The following DTD1 variants were observed in gnomAD, a reference collection of about 807,000 sequenced individuals.
DTD1 encodes the protein D-aminoacyl-tRNA deacylase 1, also known as D-tyrosyl-tRNA deacylase 1 homolog.
DTD1 carries 13 observed loss-of-function variants against 25.6 expected under a neutral mutation model. The observed-to-expected ratio is 0.51, with a 90% confidence interval of 0.33 to 0.81. The LOEUF (loss-of-function observed/expected upper bound fraction) is 0.81, where lower values mean the gene tolerates loss of function less well. DTD1 is among the 30% of genes least tolerant of loss of function. The probability of loss-of-function intolerance (pLI) is 0.02; values close to 1 mark genes in which losing one functional copy is unlikely to be tolerated. For missense variants in DTD1, 193 were observed against 266.4 expected (o/e 0.72, Z 1.92); for synonymous variants, 110 against 103.6 (o/e 1.06, Z -0.37).
chr20:18,653,671 A>T (rs910820537), intron 4 of DTD1, among the ~76,000 whole-genome samples: 8 of 152,250 alleles, frequency 5.3e-5, no homozygotes, highest in Non-Finnish European at 8.8e-5. Flanking sequence ...TTTGGATAGT[A>T]GCTCTGGCAT....
chr20:18,721,342 C>T (rs1409318717), intron 4 of DTD1, among the ~76,000 whole-genome samples: 1 of 152,188 alleles, frequency 6.6e-6, no homozygotes, highest in Non-Finnish European at 1.5e-5. Context: ...CCTCCTCCCT[C>T]TTCACTTGTT....
intron 4 of DTD1, among the ~76,000 whole-genome samples, chr20:18,687,718 A>G (rs1488769772): frequency 2.0e-5 from 3 of 151,740 alleles, no homozygotes; most frequent in Non-Finnish European, 4.4e-5. Flanking sequence ...CTAATTTTTT[A>G]TTTTTTGGAG....
intron 3 of DTD1, among the ~76,000 whole-genome samples, chr20:18,621,178 C>T (rs1390837910): frequency 1.3e-5 from 2 of 152,118 alleles, no homozygotes; most frequent in Non-Finnish European, 2.9e-5. Flanking sequence ...CCTTGTCTTT[C>T]CTTGTTTTTC....
chr20:18,664,513 A>C (rs946506532), intron 4 of DTD1, among the ~76,000 whole-genome samples: 5 of 152,098 alleles, frequency 3.3e-5, no homozygotes, highest in African/African-American at 1.2e-4. Context: ...GGGAAATTCT[A>C]CAGCAGGATT....
At chr20:18,743,447 A>G (rs2061286037) in intron 4 of DTD1, among the ~76,000 whole-genome samples, 1 of 152,180 alleles carries the variant, frequency 6.6e-6, no homozygotes, top group Non-Finnish European at 1.5e-5. Context: ...TAATCACAAC[A>G]CTTTGGGAGG....
At chr20:18,695,065 C>T (rs902299611) in intron 4 of DTD1, among the ~76,000 whole-genome samples, 5 of 152,108 alleles carry the variant, frequency 3.3e-5, no homozygotes, top group Admixed American at 1.3e-4. Flanking sequence ...GCGTGTTCTG[C>T]GAATGTGTCC....
chr20:18,693,851 G>A (rs2061059333), intron 4 of DTD1, among the ~76,000 whole-genome samples: 1 of 152,228 alleles, frequency 6.6e-6, no homozygotes, highest in South Asian at 2.1e-4. Context: ...CGAGCAGGAC[G>A]TTAGAAATTA....
chr20:18,684,581 C>A (rs1375441051), intron 4 of DTD1, among the ~76,000 whole-genome samples: 1 of 152,158 alleles, frequency 6.6e-6, no homozygotes, highest in African/African-American at 2.4e-5. Flanking sequence ...GCCCCCACAC[C>A]TAGCCCCAAA....
intron 5 of DTD1, among the ~76,000 whole-genome samples, chr20:18,763,039 C>T (rs537589675): frequency 2.0e-5 from 3 of 152,254 alleles, no homozygotes; most frequent in South Asian, 2.1e-4. Flanking sequence ...TCATTTACTT[C>T]AAAGTATTTT....
intron 5 of DTD1, among the ~76,000 whole-genome samples, chr20:18,757,164 T>G (rs973435537): frequency 2.0e-5 from 3 of 152,190 alleles, no homozygotes; most frequent in Non-Finnish European, 4.4e-5. Flanking sequence ...CTTAAGGAGA[T>G]TTTGGGCTGA....
At chr20:18,627,015 A>G (rs2122309155) in intron 3 of DTD1, among the ~76,000 whole-genome samples, 1 of 152,360 alleles carries the variant, frequency 6.6e-6, no homozygotes, top group South Asian at 2.1e-4. Flanking sequence ...TGGATGAGAC[A>G]AAAGCTCTGT....
chr20:18,757,247 A>G (rs1250415893), intron 5 of DTD1, among the ~76,000 whole-genome samples: 3 of 152,184 alleles, frequency 2.0e-5, no homozygotes, highest in South Asian at 4.1e-4. Context: ...TGTTTTCCTA[A>G]TTGAATACCC....
At chr20:18,693,876 G>A (rs1304188992) in intron 4 of DTD1, among the ~76,000 whole-genome samples, 2 of 152,090 alleles carry the variant, frequency 1.3e-5, no homozygotes, top group African/African-American at 2.4e-5. Flanking sequence ...TTAGATCTGT[G>A]CTGACCAACA....
rs988395180 is a variant in DTD1, at chr20:18,751,857, G to T, written c.*19+7586G>T. ...AGACTTGTAGTTTTTTTTTTTTGTTGTTGTTGTTGTTGTTGTTTTAATTTG... is the reference window on the plus strand; with the variant it reads ...AGACTTGTAGTTTTTTTTTTTTGTTTTTGTTGTTGTTGTTGTTTTAATTTG... On this transcript the variant is annotated intron_variant, in intron 5 of 5. Transcript: ENST00000377452. Among the ~76,000 whole-genome samples the T allele has an allele frequency of 2.6e-3, 365 of 142,524 alleles. 3 individuals carry two copies. The highest frequency in any genetic ancestry group is 7.3e-3 in the African/African-American group (292 of 39,818). The allele number at this position is 142,524 out of a possible 152,430, so 93.5% of individuals were successfully genotyped here. A position where few individuals can be genotyped will look rare whatever the true frequency, so the allele number is the denominator to read the frequency against.
At chr20:18,761,183 C>A (rs576173196) in intron 5 of DTD1, among the ~76,000 whole-genome samples, 2 of 152,080 alleles carry the variant, frequency 1.3e-5, no homozygotes, top group East Asian at 3.9e-4. Flanking sequence ...TTGCGCTTCC[C>A]GGGCGAGGCG....
intron 1 of DTD1, among the ~76,000 whole-genome samples, chr20:18,593,429 C>T (rs1227942718): frequency 1.3e-5 from 2 of 152,140 alleles, no homozygotes; most frequent in South Asian, 4.2e-4. Flanking sequence ...GCAAACTTGA[C>T]CATAGAAAAT....
chr20:18,692,128 A>T (rs2061049966), intron 4 of DTD1: 1 of 152,200 alleles, frequency 6.6e-6, no homozygotes. Flanking sequence ...TGTGAGAGCC[A>T]CACCCCAAAC....
intron 4 of DTD1, among the ~76,000 whole-genome samples, chr20:18,629,505 G>A (rs1341574004): frequency 6.6e-6 from 1 of 151,670 alleles, no homozygotes; most frequent in Non-Finnish European, 1.5e-5. Context: ...TTACCATGTT[G>A]CCCAGGGTGG....
chr20:18,716,982 C>T (rs2061183683), intron 4 of DTD1, among the ~76,000 whole-genome samples: 1 of 152,130 alleles, frequency 6.6e-6, no homozygotes, highest in South Asian at 2.1e-4. Flanking sequence ...CTGAGGTACA[C>T]ATCAAGCAGT....
Sources: allele counts gnomAD v4.1 joint callset (sites outside exome capture counted in the v4.1 genomes callset), GRCh38; gene constraint gnomAD v4.1.1; transcripts MANE v1.5; gene names NCBI Gene and HGNC (gene_info 2026-07-23, HGNC 2026-07-21).